The following FAM114A1 variants were observed in gnomAD, a reference collection of about 807,000 sequenced individuals.
FAM114A1 encodes family with sequence similarity 114 member A1.
A neutral mutation model predicts 64.3 loss-of-function variants in FAM114A1; 62 were observed. The observed-to-expected ratio is 0.96, with a 90% CI of 0.79 to 1.19. The LOEUF (loss-of-function observed/expected upper bound fraction) is 1.19. Ranked by LOEUF, FAM114A1 falls within the 50% of genes most tolerant of loss-of-function variation. The pLI is 0.00. For missense variants in FAM114A1, 645 were observed against 676.3 expected (o/e 0.95, Z 0.51); for synonymous variants, 254 against 251.1 (o/e 1.01, Z -0.11).
At chr4:38,868,009 A>T in intron 1 of FAM114A1, 175 bp downstream of exon 1, 1 of 410,120 alleles carries the variant, frequency 2.4e-6, no homozygotes. Context: ...CTCTGGGGTG[A>T]GGGTCTGGGG....
chr4:38,936,326 C>T (rs1721093258), intron 13 of FAM114A1, among the ~76,000 whole-genome samples: 1 of 151,798 alleles, frequency 6.6e-6, no homozygotes, highest in African/African-American at 2.4e-5. Flanking sequence ...GATCTCCTGA[C>T]CTCGTGATCC....
At chr4:38,928,903 C>A (rs1334749793) in intron 9 of FAM114A1, among the ~76,000 whole-genome samples, 1 of 152,190 alleles carries the variant, frequency 6.6e-6, no homozygotes, top group Non-Finnish European at 1.5e-5. Flanking sequence ...TTTGTTCATC[C>A]CAGTCCTTCT....
intron 5 of FAM114A1, 42 bp downstream of exon 5, chr4:38,905,677 C>A (rs755103652): frequency 6.2e-7 from 1 of 1,607,286 alleles, no homozygotes. Context: ...GACTTTATTA[C>A]ACCATGTGCA....
At chr4:38,919,770 C>G (rs934898283) in intron 8 of FAM114A1, among the ~76,000 whole-genome samples, 4 of 152,188 alleles carry the variant, frequency 2.6e-5, no homozygotes, top group African/African-American at 9.7e-5. Context: ...AGTCATGATG[C>G]ACATCTTCTC....
rs755027658 is a variant in FAM114A1 at position 38,932,242 on chromosome 4, A to G, written c.1331A>G (p.Tyr444Cys). ...TGTGTCTATTCATTTCAGGAAGTAT[A>G]CATGTCGTCCATTGAAAGTCTGGCG... ...EKKTKTIEEV[Y>C]MSSIESLAEV... Residue 444 changes from tyrosine to cysteine, a missense_variant, in exon 12 of 15, where the codon TAC becomes TGC. Coordinates refer to ENST00000358869, the MANE Select transcript of FAM114A1 (RefSeq NM_138389.4). 1.4e-5 allele frequency: 23 copies of G among 1,599,590 alleles called. No homozygotes were observed. Among genetic ancestry groups the G allele is most frequent in the Non-Finnish European group, 1.8e-5 (21 of 1,176,654 alleles).
chr4:38,902,027 G>A (rs76363312), intron 4 of FAM114A1, among the ~76,000 whole-genome samples: 2,407 of 152,190 alleles, frequency 0.016, 80 homozygotes, highest in African/African-American at 0.054. Context: ...TACAGAAATG[G>A]GATTAAAATG....
rs1330928647 is a variant in FAM114A1 at position 38,878,374 on chromosome 4, G to A, written c.296G>A (p.Ser99Asn). The change falls in exon 3 of 15, where the codon AGC becomes AAC. Residue 99 changes from serine to asparagine, a missense_variant. Coordinates refer to ENST00000358869, the MANE Select transcript of FAM114A1 (RefSeq NM_138389.4). ...CTTGCTGAATGTATTGATTCCGTCA[G>A]CCTTGAGGCAGAACCCAGATCCGAA... Reference protein sequence around the residue: ...DTLAECIDSVSLEAEPRSEIP... With the variant: ...DTLAECIDSVNLEAEPRSEIP... 2 of 1,611,926 alleles carry A rather than the reference G, an allele frequency of 1.2e-6. No individual in the cohort carries two copies. The highest frequency in any genetic ancestry group is 1.7e-6 in the Non-Finnish European group (2 of 1,178,830).
At chr4:38,941,531 T>C (rs1015786569) in intron 14 of FAM114A1, among the ~76,000 whole-genome samples, 1 of 152,200 alleles carries the variant, frequency 6.6e-6, no homozygotes, top group Non-Finnish European at 1.5e-5. Flanking sequence ...GCCCACTCAC[T>C]AGGACTTTGC....
chr4:38,916,120 A>G (rs1018968754), intron 8 of FAM114A1, among the ~76,000 whole-genome samples: 1 of 152,230 alleles, frequency 6.6e-6, no homozygotes, highest in Non-Finnish European at 1.5e-5. Flanking sequence ...ATGCCTGTCT[A>G]ATCAGAGAAA....
rs965628796 is a variant in FAM114A1, at chr4:38,945,692, A to G, written c.*2135A>G. On this transcript the variant is annotated 3_prime_UTR_variant, in exon 15 of 15. Coordinates refer to ENST00000358869, the MANE Select transcript of FAM114A1 (RefSeq NM_138389.4). ...AGAACATAAGAACACTTTATGTACA[A>G]TCTGGAAAAAAATTACCTGAGAAAT... is the stretch of plus-strand genomic sequence containing the variant. 1.3e-5 allele frequency: 2 copies of G among 152,346 alleles called. No homozygotes were observed. Among genetic ancestry groups the G allele is most frequent in the East Asian group, 1.9e-4 (1 of 5,188 alleles). The allele number at this position is 152,346 out of a possible 1,614,324, so 9.4% of individuals were successfully genotyped here.
Position 38,944,835 on chromosome 4 carries a change from C to G in FAM114A1, c.*1278C>G, listed in dbSNP as rs541038222. ...ATCCCCCACCCCCATCCCGCTACCC[C>G]GAGTCCGTGAAAAAATTGTCTTCCA... On this transcript the variant is annotated 3_prime_UTR_variant, in exon 15 of 15. Coordinates refer to ENST00000358869, the MANE Select transcript of FAM114A1 (RefSeq NM_138389.4). 7.8e-6 allele frequency: 1 copy of G among 127,958 alleles called. No individual in the cohort carries two copies. The allele number at this position is 127,958 out of a possible 1,614,324, so 7.9% of individuals were successfully genotyped here.
At chr4:38,914,761 A>AT in intron 7 of FAM114A1, 160 bp from the exon 8 acceptor site, 1 of 756,198 alleles carries the variant, frequency 1.3e-6, no homozygotes, top group Non-Finnish European at 2.0e-6. Flanking sequence ...AAAGTTATCA[A>AT]TAGGATCAAT....
intron 9 of FAM114A1, among the ~76,000 whole-genome samples, chr4:38,923,850 G>A (rs1435302064): frequency 6.6e-6 from 1 of 152,162 alleles, no homozygotes; most frequent in Non-Finnish European, 1.5e-5. Flanking sequence ...CCTTAAGAGG[G>A]GAAAACTTAT....
intron 4 of FAM114A1, among the ~76,000 whole-genome samples, chr4:38,894,811 C>A (rs1168018614): frequency 6.6e-6 from 1 of 152,132 alleles, no homozygotes; most frequent in Non-Finnish European, 1.5e-5. Context: ...TAAGGAATTA[C>A]CACAGTTAAA....
rs729363 is a variant in FAM114A1 at position 38,943,842 on chromosome 4, G to A, written c.*285G>A. On this transcript the variant is annotated 3_prime_UTR_variant, in exon 15 of 15. Transcript: ENST00000358869. ...ATCTGAAATTTATTTACAAATATTCGTGTTCATTTTCCTGGTTAAGCATGC... is the reference window on the plus strand; with the variant it reads ...ATCTGAAATTTATTTACAAATATTCATGTTCATTTTCCTGGTTAAGCATGC... 2.5e-5 allele frequency: 7 copies of A among 277,694 alleles called. No homozygotes were observed. Among genetic ancestry groups the A allele is most frequent in the South Asian group, 1.1e-4 (2 of 17,406 alleles). The allele number at this position is 277,694 out of a possible 1,614,324, so 17.2% of individuals were successfully genotyped here. A position where few individuals can be genotyped will look rare whatever the true frequency, so the allele number is the denominator to read the frequency against.
At chr4:38,880,714 A>G (rs1715176020) in intron 3 of FAM114A1, among the ~76,000 whole-genome samples, 2 of 152,192 alleles carry the variant, frequency 1.3e-5, no homozygotes, top group Non-Finnish European at 2.9e-5. Flanking sequence ...TTTTCATCCT[A>G]AGTGCTACTG....
At chr4:38,928,491 CTGTT>C (rs1235844687) in intron 9 of FAM114A1, among the ~76,000 whole-genome samples, 3 of 151,884 alleles carry the variant, frequency 2.0e-5, no homozygotes, top group South Asian at 2.1e-4. Flanking sequence ...CGTATACTGT[CTGTT>C]ATATATATTA....
chr4:38,931,324 C>A, intron 10 of FAM114A1, 127 bp from the exon 11 acceptor site: 1 of 1,137,768 alleles, frequency 8.8e-7, no homozygotes, highest in Non-Finnish European at 1.2e-6. Context: ...ATTGCCCCGT[C>A]ATCCTCCAAA....
chr4:38,939,905 G>A (rs954282419), intron 13 of FAM114A1, among the ~76,000 whole-genome samples: 1 of 47,236 alleles, frequency 2.1e-5, no homozygotes, highest in African/African-American at 8.8e-5. Flanking sequence ...TTTTTTTTTT[G>A]TTAGACGGAG....
Sources: allele counts gnomAD v4.1 joint callset (sites outside exome capture counted in the v4.1 genomes callset), GRCh38; gene constraint gnomAD v4.1.1; transcripts MANE v1.5; gene names NCBI Gene and HGNC (gene_info 2026-07-23, HGNC 2026-07-21).